GALNT18: variants seen among roughly 807,000 people sequenced by gnomAD.
GALNT18 encodes the protein polypeptide N-acetylgalactosaminyltransferase 18.
A neutral mutation model predicts 69.5 loss-of-function variants in GALNT18; 44 were observed. The ratio of observed to expected loss-of-function variants is 0.63; its 90% CI spans 0.50 to 0.81. The LOEUF is 0.81. Ranked by LOEUF, GALNT18 falls within the 40% of genes least tolerant of loss-of-function variation. The pLI, the probability that GALNT18 is intolerant of heterozygous loss-of-function variation, is 0.00. For synonymous variants in GALNT18, 364 were observed against 318.2 expected (o/e 1.14, Z -1.53); for missense variants, 715 against 810.0 (o/e 0.88, Z 1.42).
intron 9 of GALNT18, among the ~76,000 whole-genome samples, chr11:11,293,744 G>A (rs183725564): frequency 6.6e-6 from 1 of 152,102 alleles, no homozygotes; most frequent in East Asian, 1.9e-4. Context: ...GTTTCACCAT[G>A]TTGGTCAGGC....
At chr11:11,369,599 G>A (rs1850850298) in intron 6 of GALNT18, among the ~76,000 whole-genome samples, 1 of 152,118 alleles carries the variant, frequency 6.6e-6, no homozygotes, top group African/African-American at 2.4e-5. Flanking sequence ...GGGGCTGGGG[G>A]CACTCAATTC....
At chr11:11,559,347 G>A (rs994452989) in intron 1 of GALNT18, among the ~76,000 whole-genome samples, 1 of 152,220 alleles carries the variant, frequency 6.6e-6, no homozygotes, top group African/African-American at 2.4e-5. Flanking sequence ...AGGGTGCCTA[G>A]TCTCTCCATC....
chr11:11,379,382 C>T, intron 3 of GALNT18, 118 bp from the exon 4 acceptor site: 1 of 949,936 alleles, frequency 1.1e-6, no homozygotes, highest in Non-Finnish European at 1.6e-6. Flanking sequence ...ACCCATTCCC[C>T]TCCCTGGGTC....
At chr11:11,334,798 G>C (rs1212592603) in intron 7 of GALNT18, among the ~76,000 whole-genome samples, 1 of 152,150 alleles carries the variant, frequency 6.6e-6, no homozygotes, top group East Asian at 1.9e-4. Flanking sequence ...GGCTCCTTAA[G>C]GTCAGGAAAC....
chr11:11,274,675 T>C lies in GALNT18; in HGVS notation c.1678-3385A>G, dbSNP rs778392422. ...ATCAACCTGTCACCTACATTAGGTA[T>C]TTCTCCTAATGTTATTCCTCCCCTA... On this transcript the variant is annotated intron_variant, in intron 10 of 10. Transcript: ENST00000227756. 6.6e-5 allele frequency among the ~76,000 whole-genome samples: 10 copies of C among 152,220 alleles called. No homozygotes were observed. The South Asian group carries it at 1.2e-3, about 19-fold the overall frequency.
chr11:11,271,198 C>T lies in GALNT18; in HGVS notation c.1770G>A (p.Lys590=), dbSNP rs542859181. 1.9e-6 allele frequency: 3 copies of T among 1,614,152 alleles called. No individual in the cohort carries two copies. The highest frequency in any genetic ancestry group is 2.2e-5 in the South Asian group (2 of 91,088). ...LEFGFQLVLQ[K]CSGQHWSITN... ...TGATGCTCCAGTGCTGGCCCGAGCA[C>T]TTCTGCAACACCAGCTGGAAGCCGA... The change falls in exon 11 of 11, where the codon AAG becomes AAA. Residue 590 remains lysine, a synonymous_variant. Coordinates refer to ENST00000227756, the MANE Select transcript of GALNT18 (RefSeq NM_198516.3).
At chr11:11,434,554 G>A (rs1390465744) in intron 2 of GALNT18, among the ~76,000 whole-genome samples, 1 of 152,190 alleles carries the variant, frequency 6.6e-6, no homozygotes, top group Non-Finnish European at 1.5e-5. Flanking sequence ...ATGAGATGAT[G>A]TCCTGGCAGC....
chr11:11,441,854 A>T (rs1564951190), intron 2 of GALNT18, among the ~76,000 whole-genome samples: 1 of 152,208 alleles, frequency 6.6e-6, no homozygotes, highest in East Asian at 1.9e-4. Flanking sequence ...CCCTGTTTAA[A>T]AATTATTGTT....
At chr11:11,522,195 C>T (rs1305736808) in intron 1 of GALNT18, among the ~76,000 whole-genome samples, 3 of 152,198 alleles carry the variant, frequency 2.0e-5, no homozygotes, top group African/African-American at 7.2e-5. Context: ...CTCCACATGA[C>T]CTCTCCTCAT....
chr11:11,363,636 G>T (rs1421529435), intron 6 of GALNT18, among the ~76,000 whole-genome samples: 1 of 152,166 alleles, frequency 6.6e-6, no homozygotes, highest in Non-Finnish European at 1.5e-5. Context: ...GAATGAGAAA[G>T]ATCATCATGA....
At chr11:11,510,285 C>G (rs1266132554) in intron 1 of GALNT18, among the ~76,000 whole-genome samples, 1 of 152,170 alleles carries the variant, frequency 6.6e-6, no homozygotes. Context: ...CTAAAGTACA[C>G]AAACTATTTT....
At chr11:11,585,074 T>C (rs891261454) in intron 1 of GALNT18, among the ~76,000 whole-genome samples, 1 of 152,244 alleles carries the variant, frequency 6.6e-6, no homozygotes, top group African/African-American at 2.4e-5. Flanking sequence ...ATTTAGAAGA[T>C]CTGCCTAACT....
At chr11:11,278,929 ATTATATGCCTGTATGACAGCATTACATG>A (rs1313216007) in intron 10 of GALNT18, among the ~76,000 whole-genome samples, 1 of 152,254 alleles carries the variant, frequency 6.6e-6, no homozygotes, top group Non-Finnish European at 1.5e-5. Flanking sequence ...ATCATTACAC[ATTATATGCCTGTATGACAGCATTACATG>A]TACCCCATAA....
At position 11,592,769 on chromosome 11, in the gene GALNT18, A is replaced by AT. The variant is rs1859389523; in HGVS notation, c.235+28589dup. Among the ~76,000 whole-genome samples, 1 of 152,160 alleles carries AT rather than the reference A, an allele frequency of 6.6e-6. No homozygotes were observed. Among genetic ancestry groups the AT allele is most frequent in the Admixed American group, 6.5e-5 (1 of 15,280 alleles). On this transcript the variant is annotated intron_variant, in intron 1 of 10. Transcript: ENST00000227756. This position sits in a 1 kb window ranked among gnomAD's most constrained non-coding sequence, Gnocchi z 5.9. ...AGGCAGTCTGGGGCCCATACTGAAA[A>AT]TTTTTTGACATATCTTCAAAGTATA...
intron 1 of GALNT18, among the ~76,000 whole-genome samples, chr11:11,580,005 G>C (rs56150036): frequency 0.14 from 21,558 of 152,246 alleles, 1,950 homozygotes; most frequent in Middle Eastern, 0.2. Flanking sequence ...TGAGAGGAAG[G>C]CCAGGTGGAG....
rs764232584 is a variant in GALNT18, at chr11:11,470,468, C to T, written c.236-21532G>A. 3.9e-5 allele frequency among the ~76,000 whole-genome samples: 6 copies of T among 152,326 alleles called. No individual in the cohort carries two copies. The East Asian group carries it at 5.8e-4, about 15-fold the overall frequency. On this transcript the variant is annotated intron_variant, in intron 1 of 10. Coordinates refer to ENST00000227756, the MANE Select transcript of GALNT18 (RefSeq NM_198516.3). The surrounding 1 kb of genome is among the most constrained non-coding windows in gnomAD (Gnocchi z 4.8). ...CTCTGTCATCAGTGTGTGAGGAAGGCGCTATCCTCCACGCAGTCGGCTAGG... is the reference window on the plus strand; with the variant it reads ...CTCTGTCATCAGTGTGTGAGGAAGGTGCTATCCTCCACGCAGTCGGCTAGG...
intron 1 of GALNT18, among the ~76,000 whole-genome samples, chr11:11,525,656 T>G (rs767002821): frequency 1.6e-5 from 2 of 124,900 alleles, no homozygotes; most frequent in African/African-American, 6.1e-5. Flanking sequence ...TTTTTTGAGA[T>G]GGAGTTTCGC....
In GALNT18 at chr11:11,617,932, T is replaced by A. The variant is rs1027516678; in HGVS notation, c.235+3427A>T. On this transcript the variant is annotated intron_variant, in intron 1 of 10. Transcript: ENST00000227756. The surrounding 1 kb of genome is among the most constrained non-coding windows in gnomAD (Gnocchi z 4.7). ...TTCTAAACCCCCAGGATGCTTTTTT[T>A]AAAAACTCATAAGTTATCCACCCTC... is the stretch of plus-strand genomic sequence containing the variant. Among the ~76,000 whole-genome samples, 3 of 152,152 alleles carry A rather than the reference T, an allele frequency of 2.0e-5. No homozygotes were observed. The highest frequency in any genetic ancestry group is 2.9e-5 in the Non-Finnish European group (2 of 68,026).
intron 3 of GALNT18, among the ~76,000 whole-genome samples, chr11:11,426,748 C>T (rs908719776): frequency 3.3e-5 from 5 of 151,912 alleles, no homozygotes; most frequent in Admixed American, 6.6e-5. Flanking sequence ...GCCCTTTAAA[C>T]GGAGTGATTC....
Sources: allele counts gnomAD v4.1 joint callset (sites outside exome capture counted in the v4.1 genomes callset), GRCh38; gene constraint gnomAD v4.1.1; non-coding constraint Gnocchi (gnomAD v3.1); transcripts MANE v1.5; gene names NCBI Gene and HGNC (gene_info 2026-07-23, HGNC 2026-07-21).